RAB11FIP2: variants seen among roughly 807,000 people sequenced by gnomAD.
RAB11FIP2 encodes RAB11 family interacting protein 2.
A neutral mutation model predicts 40.9 loss-of-function variants in RAB11FIP2; 16 were observed. That is an observed-to-expected ratio of 0.39 (90% confidence interval 0.26 to 0.59). The LOEUF is 0.59. Ranked by LOEUF, RAB11FIP2 falls within the 20% of genes least tolerant of loss-of-function variation. The pLI is 0.53. For synonymous variants in RAB11FIP2, 228 were observed against 213.7 expected, an observed-to-expected ratio of 1.07 and a Z score of -0.58; for missense variants, 532 against 606.2, an observed-to-expected ratio of 0.88 and a Z score of 1.28.
chr10:118,022,343 T>A (rs1846291788), intron 3 of RAB11FIP2, among the ~76,000 whole-genome samples: 1 of 152,202 alleles, frequency 6.6e-6, no homozygotes, highest in South Asian at 2.1e-4. Context: ...ATCCAGCCTA[T>A]GCATACTGAA....
At chr10:118,037,119 G>C (rs1352528477) in intron 3 of RAB11FIP2, among the ~76,000 whole-genome samples, 1 of 152,058 alleles carries the variant, frequency 6.6e-6, no homozygotes, top group African/African-American at 2.4e-5. Context: ...GTTTAGTAAA[G>C]AGGGAAAGAA....
At chr10:118,041,472 T>G (rs890701043) in intron 1 of RAB11FIP2, among the ~76,000 whole-genome samples, 1 of 152,136 alleles carries the variant, frequency 6.6e-6, no homozygotes, top group Admixed American at 6.5e-5. Context: ...GTTGGCCATG[T>G]CACAAGTGGT....
intron 3 of RAB11FIP2, among the ~76,000 whole-genome samples, chr10:118,023,086 A>G (rs1408486838): frequency 1.3e-5 from 2 of 152,246 alleles, no homozygotes; most frequent in African/African-American, 4.8e-5. Context: ...TGGACTGCCA[A>G]CAGAATCAAT....
At chr10:118,021,542 T>G (rs1236336716) in intron 3 of RAB11FIP2, among the ~76,000 whole-genome samples, 4 of 152,214 alleles carry the variant, frequency 2.6e-5, no homozygotes, top group Non-Finnish European at 4.4e-5. Flanking sequence ...ATTTTTATTT[T>G]GCCAATCTCT....
At chr10:118,024,215 C>T (rs1430043307) in intron 3 of RAB11FIP2, among the ~76,000 whole-genome samples, 2 of 152,046 alleles carry the variant, frequency 1.3e-5, no homozygotes, top group African/African-American at 4.8e-5. Flanking sequence ...AAGCTTCTCA[C>T]CCTTTTTTCT....
At chr10:118,030,708 A>AC (rs1322288487) in intron 3 of RAB11FIP2, among the ~76,000 whole-genome samples, 1 of 151,854 alleles carries the variant, frequency 6.6e-6, no homozygotes, top group African/African-American at 2.4e-5. Flanking sequence ...AAAAAAAAAA[A>AC]CCAGCAAAGT....
intron 4 of RAB11FIP2, among the ~76,000 whole-genome samples, chr10:118,013,624 C>T (rs944867937): frequency 3.3e-5 from 5 of 152,096 alleles, no homozygotes; most frequent in African/African-American, 4.8e-5. Flanking sequence ...GCGCTTCCTC[C>T]TCTTAATTGT....
rs1846092235 is a variant in RAB11FIP2, at chr10:118,006,531, C to G, written c.*2467G>C. 1 of 152,084 alleles carries G rather than the reference C, an allele frequency of 6.6e-6. No homozygotes were observed. The highest frequency in any genetic ancestry group is 6.6e-5 in the Admixed American group (1 of 15,262). The allele number at this position is 152,084 out of a possible 1,614,324, so 9.4% of individuals were successfully genotyped here. ...TAAACTAAGGTGACCTTTTTGGCCTCTTTTTCTACAACGTGAGAAATTAAA... is the reference window on the plus strand; with the variant it reads ...TAAACTAAGGTGACCTTTTTGGCCTGTTTTTCTACAACGTGAGAAATTAAA... On this transcript the variant is annotated 3_prime_UTR_variant, in exon 5 of 5. Transcript: ENST00000355624.
chr10:118,044,236 C>A (rs1486409420), intron 1 of RAB11FIP2, among the ~76,000 whole-genome samples: 1 of 152,124 alleles, frequency 6.6e-6, no homozygotes, highest in African/African-American at 2.4e-5. Context: ...GTCCTACTTT[C>A]ACTAGGAAAA....
chr10:118,005,810 G>C lies in RAB11FIP2; in HGVS notation c.*3188C>G, dbSNP rs764673853. On this transcript the variant is annotated 3_prime_UTR_variant, in exon 5 of 5. Coordinates refer to ENST00000355624, the MANE Select transcript of RAB11FIP2 (RefSeq NM_014904.3). ...AATAAGCACCCTTCCGGGGATGGTA[G>C]GCAGGGAGGCGTGGTGGTGAGGGAG... 6.6e-6 allele frequency: 1 copy of C among 152,304 alleles called. No homozygotes were observed. The highest frequency in any genetic ancestry group is 6.6e-5 in the Admixed American group (1 of 15,230). 9.4% of individuals were successfully genotyped at this position (152,304 alleles called of 1,614,324 possible).
chr10:118,036,692 A>G (rs535787630), intron 3 of RAB11FIP2, among the ~76,000 whole-genome samples: 1 of 152,284 alleles, frequency 6.6e-6, no homozygotes, highest in East Asian at 1.9e-4. Context: ...GGAATCCACA[A>G]ATGTTCTGTC....
In RAB11FIP2 at chr10:118,027,549, C is replaced by T. The variant is rs150968028; in HGVS notation, c.1265+11423G>A. Among the ~76,000 whole-genome samples the T allele has an allele frequency of 9.4e-3, 1,427 of 152,278 alleles. 9 individuals carry two copies. Among genetic ancestry groups the T allele is most frequent in the Middle Eastern group, 0.017 (5 of 294 alleles). On this transcript the variant is annotated intron_variant, in intron 3 of 4. Coordinates refer to ENST00000355624, the MANE Select transcript of RAB11FIP2 (RefSeq NM_014904.3). ...AATATGTGATTAACTGGAACACCCCCATTCCCATACCAGGCTCTGTAACAA... is the reference window on the plus strand; with the variant it reads ...AATATGTGATTAACTGGAACACCCCTATTCCCATACCAGGCTCTGTAACAA...
rs766965944 is a variant in RAB11FIP2, at chr10:118,008,384, T to C, written c.*614A>G. 3.3e-5 allele frequency: 5 copies of C among 153,384 alleles called. No individual in the cohort carries two copies. The highest frequency in any genetic ancestry group is 7.3e-5 in the Non-Finnish European group (5 of 68,676). 9.5% of individuals were successfully genotyped at this position (153,384 alleles called of 1,614,324 possible). ...GGAAGGATGACTTGTCTTGCATCAA[T>C]AGAGCACACACATTTTCAAATCAAG... On this transcript the variant is annotated 3_prime_UTR_variant, in exon 5 of 5. Transcript: ENST00000355624.
At chr10:118,026,868 A>C (rs1846350030) in intron 3 of RAB11FIP2, among the ~76,000 whole-genome samples, 1 of 152,226 alleles carries the variant, frequency 6.6e-6, no homozygotes, top group Non-Finnish European at 1.5e-5. Flanking sequence ...CTCATCAAAG[A>C]TTATTGCTGA....
chr10:118,040,301 C>T lies in RAB11FIP2; in HGVS notation c.618G>A (p.Gln206=). The T allele has an allele frequency of 6.2e-7, 1 of 1,613,882 alleles. No individual in the cohort carries two copies. The highest frequency in any genetic ancestry group is 2.2e-5 in the East Asian group (1 of 44,874). ...AAGGCTTTTTTGGTTTGGATTTCAT[C>T]TGTATTTCACCACTTGAAAATTCAC... ...ANSEFSSGEI[Q]MKSKPKKPFL... Residue 206 remains glutamine, a synonymous_variant, in exon 2 of 5, where the codon CAG becomes CAA. Coordinates refer to ENST00000355624, the MANE Select transcript of RAB11FIP2 (RefSeq NM_014904.3).
chr10:118,012,721 T>G (rs1846173105), intron 4 of RAB11FIP2, among the ~76,000 whole-genome samples: 1 of 152,076 alleles, frequency 6.6e-6, no homozygotes, highest in African/African-American at 2.4e-5. Context: ...CATAACTCTC[T>G]AAACTGGCAA....
At chr10:118,010,346 T>C (rs924403741) in intron 4 of RAB11FIP2, among the ~76,000 whole-genome samples, 1 of 152,256 alleles carries the variant, frequency 6.6e-6, no homozygotes, top group Non-Finnish European at 1.5e-5. Context: ...ATTGAGGAAA[T>C]TGGTTTTCTT....
At chr10:118,040,091 G>T in intron 2 of RAB11FIP2, 32 bp downstream of exon 2, 1 of 1,563,916 alleles carries the variant, frequency 6.4e-7, no homozygotes, top group South Asian at 1.2e-5. Flanking sequence ...GGGTAGTTCA[G>T]ACCAATGAGT....
chr10:118,033,148 G>A (rs1014934366), intron 3 of RAB11FIP2, among the ~76,000 whole-genome samples: 1 of 152,050 alleles, frequency 6.6e-6, no homozygotes, highest in Non-Finnish European at 1.5e-5. Flanking sequence ...GTCTTGGAAT[G>A]TATCCCCATA....
Sources: allele counts gnomAD v4.1 joint callset (sites outside exome capture counted in the v4.1 genomes callset), GRCh38; gene constraint gnomAD v4.1.1; transcripts MANE v1.5; gene names NCBI Gene and HGNC (gene_info 2026-07-23, HGNC 2026-07-21).